The following PRORP variants were observed in gnomAD, a reference collection of about 807,000 sequenced individuals.
The protein encoded by PRORP is mitochondrial ribonuclease P catalytic subunit.
A neutral mutation model predicts 59.4 loss-of-function variants in PRORP; 51 were observed. The observed-to-expected ratio is 0.86, with a 90% confidence interval of 0.69 to 1.08. The LOEUF is 1.08. Ranked by LOEUF, PRORP falls within the 50% of genes least tolerant of loss-of-function variation. The pLI is 0.00. For missense variants in PRORP, 646 were observed against 690.3 expected, an observed-to-expected ratio of 0.94 and a Z score of 0.72; for synonymous variants, 231 against 245.6, an observed-to-expected ratio of 0.94 and a Z score of 0.55.
At chr14:35,262,147 GT>G (rs2050921086) in intron 5 of PRORP, among the ~76,000 whole-genome samples, 2 of 151,992 alleles carry the variant, frequency 1.3e-5, no homozygotes, top group African/African-American at 4.8e-5. Context: ...ATCAGAAATA[GT>G]TTTTGTTTGA....
chr14:35,226,197 A>G (rs990858956), intron 5 of PRORP, among the ~76,000 whole-genome samples: 1 of 152,222 alleles, frequency 6.6e-6, no homozygotes, highest in African/African-American at 2.4e-5. Flanking sequence ...ACAAACATTC[A>G]ATATTCATTA....
At chr14:35,221,193 TGAG>T (rs2049770538) in intron 5 of PRORP, among the ~76,000 whole-genome samples, 1 of 151,956 alleles carries the variant, frequency 6.6e-6, no homozygotes, top group African/African-American at 2.4e-5. Context: ...GGGACTAGGG[TGAG>T]GAGAGTGAGC....
intron 4 of PRORP, among the ~76,000 whole-genome samples, chr14:35,148,464 G>C (rs188189109): frequency 6.6e-6 from 1 of 152,264 alleles, no homozygotes; most frequent in Admixed American, 6.5e-5. Flanking sequence ...GAAATATTCA[G>C]TAAACCATGC....
chr14:35,130,223 G>C (rs1020859780), intron 4 of PRORP, among the ~76,000 whole-genome samples: 1 of 151,278 alleles, frequency 6.6e-6, no homozygotes, highest in African/African-American at 2.4e-5. Flanking sequence ...TAGTTGAGAC[G>C]GGGCTTCACC....
Position 35,123,600 on chromosome 14 carries a change from T to C in PRORP, c.355T>C (p.Leu119=). 1 of 1,614,132 alleles carries C rather than the reference T, an allele frequency of 6.2e-7. No homozygotes were observed. The highest frequency in any genetic ancestry group is 8.5e-7 in the Non-Finnish European group (1 of 1,180,036). The change falls in exon 2 of 8, where the codon TTG becomes CTG. Residue 119 remains leucine, a synonymous_variant. Transcript: ENST00000534898. Reference sequence around the variant, plus strand: ...CACTATTCAACTCCCAACACAACCTTTGAATTCAGAGGAGTGGGATAAACT... The same window carrying C: ...CACTATTCAACTCCCAACACAACCTCTGAATTCAGAGGAGTGGGATAAACT... The part of the protein sequence containing the change: ...RNTIQLPTQP[L]NSEEWDKLKE...
rs2046951232 is a variant in PRORP at position 35,122,557 on chromosome 14, C to T, written c.-373C>T. 1 of 154,112 alleles carries T rather than the reference C, an allele frequency of 6.5e-6. No homozygotes were observed. The allele number at this position is 154,112 out of a possible 1,614,324, so 9.5% of individuals were successfully genotyped here. ...CGGTGCATCGTGGGCACTGTAGTTT[C>T]CGCCGCGTTTATGGCCGCGTTAAGT... is the stretch of plus-strand genomic sequence containing the variant. On this transcript the variant is annotated 5_prime_UTR_variant, in exon 1 of 8. Transcript: ENST00000534898.
At position 35,273,417 on chromosome 14, in the gene PRORP, C is replaced by T; in HGVS notation, c.1621-18C>T. 6.3e-7 allele frequency: 1 copy of T among 1,593,038 alleles called. No individual in the cohort carries two copies. Among genetic ancestry groups the T allele is most frequent in the Non-Finnish European group, 8.5e-7 (1 of 1,171,290 alleles). Reference sequence around the variant, plus strand: ...TTAGTGTTGTTCTCAATGTTTTGTTCTCTTTTTAATTCAACAGCGTATTCT... The same window carrying T: ...TTAGTGTTGTTCTCAATGTTTTGTTTTCTTTTTAATTCAACAGCGTATTCT... On this transcript the variant is annotated intron_variant, in intron 7 of 7. Coordinates refer to ENST00000534898, the MANE Select transcript of PRORP (RefSeq NM_014672.4).
intron 5 of PRORP, among the ~76,000 whole-genome samples, chr14:35,222,944 C>T (rs1266460887): frequency 6.6e-6 from 1 of 152,166 alleles, no homozygotes; most frequent in African/African-American, 2.4e-5. Context: ...TTCTGTCTGT[C>T]TGGGGTTACA....
chr14:35,132,645 G>A (rs933718736), intron 4 of PRORP, among the ~76,000 whole-genome samples: 3 of 151,848 alleles, frequency 2.0e-5, no homozygotes, highest in Non-Finnish European at 4.4e-5. Flanking sequence ...AAATTAGCTG[G>A]AAATGGTGGT....
rs750880878 is a variant in PRORP at position 35,248,856 on chromosome 14, G to A, written c.1276-17871G>A. ...AAGACAAAGAAGGGACTTAAACTGG[G>A]TATTAGCTAACCTACAGAGAGTAAT... On this transcript the variant is annotated intron_variant, in intron 5 of 7. Coordinates refer to ENST00000534898, the MANE Select transcript of PRORP (RefSeq NM_014672.4). Among the ~76,000 whole-genome samples the A allele has an allele frequency of 3.1e-4, 47 of 152,338 alleles. 1 individual carries two copies. The highest frequency in any genetic ancestry group is 4.3e-4 in the Non-Finnish European group (29 of 68,028).
At chr14:35,167,223 G>A (rs987240701) in intron 4 of PRORP, among the ~76,000 whole-genome samples, 3 of 152,132 alleles carry the variant, frequency 2.0e-5, no homozygotes, top group African/African-American at 7.2e-5. Context: ...AACAGCTAAC[G>A]GACCACCTGG....
rs189073634 is a variant in PRORP at position 35,180,873 on chromosome 14, T to C, written c.1275+96T>C. ...GGGGCTCTTAGCTCCTCAGTTTTTC[T>C]TCCTCTAAAACTAAGGTCTTCAGGG... On this transcript the variant is annotated intron_variant, in intron 5 of 7. Transcript: ENST00000534898. 542 of 779,502 alleles carry C rather than the reference T, an allele frequency of 7.0e-4. 1 individual carries two copies. The highest frequency in any genetic ancestry group is 1.0e-3 in the Non-Finnish European group (494 of 477,272). The allele number at this position is 779,502 out of a possible 1,614,324, so 48.3% of individuals were successfully genotyped here. A position where few individuals can be genotyped will look rare whatever the true frequency, so the allele number is the denominator to read the frequency against.
chr14:35,220,173 A>G (rs1003558404), intron 5 of PRORP, among the ~76,000 whole-genome samples: 1 of 152,186 alleles, frequency 6.6e-6, no homozygotes, highest in African/African-American at 2.4e-5. Context: ...CCTTCAACCC[A>G]TTATACCACC....
intron 5 of PRORP, among the ~76,000 whole-genome samples, chr14:35,218,623 T>C (rs1368207725): frequency 5.5e-5 from 8 of 146,682 alleles, no homozygotes; most frequent in South Asian, 4.3e-4. Flanking sequence ...GCCTCCTGAG[T>C]TTAAGCCATT....
At chr14:35,188,436 G>A (rs1202104901) in intron 5 of PRORP, among the ~76,000 whole-genome samples, 2 of 150,898 alleles carry the variant, frequency 1.3e-5, no homozygotes, top group Non-Finnish European at 3.0e-5. Context: ...TGATCTGCCC[G>A]CCTCGGCCTC....
chr14:35,160,552 G>A (rs1304145441), intron 4 of PRORP, among the ~76,000 whole-genome samples: 1 of 152,118 alleles, frequency 6.6e-6, no homozygotes, highest in Non-Finnish European at 1.5e-5. Flanking sequence ...ATAGAATTGA[G>A]TATAGATGGT....
At chr14:35,156,758 A>G (rs2047922400) in intron 4 of PRORP, among the ~76,000 whole-genome samples, 1 of 152,220 alleles carries the variant, frequency 6.6e-6, no homozygotes, top group Admixed American at 6.5e-5. Flanking sequence ...TTTTCAAGAA[A>G]ATATGATAAG....
Position 35,266,747 on chromosome 14 carries a change from A to T in PRORP, c.1296A>T (p.Gln432His). The T allele has an allele frequency of 6.2e-7, 1 of 1,614,100 alleles. No individual in the cohort carries two copies. The change falls in exon 6 of 8, where the codon CAA becomes CAT. Residue 432 changes from glutamine (Q) to histidine (H), a missense_variant. By Grantham distance (24) the Gln-to-His change is conservative (BLOSUM62 0). Transcript: ENST00000534898. ...TTTAGCTCTTGAATGTCGTCTCTCA[A>T]CTAGCCAAACGGAATCTGCGACTGC... ...ESQLLLNVVS[Q>H]LAKRNLRLLV...
intron 4 of PRORP, among the ~76,000 whole-genome samples, chr14:35,128,243 C>T (rs1031710150): frequency 6.7e-6 from 1 of 149,164 alleles, no homozygotes; most frequent in Non-Finnish European, 1.5e-5. Flanking sequence ...ATTTTTGCAT[C>T]AATATTCATC....
Sources: allele counts gnomAD v4.1 joint callset (sites outside exome capture counted in the v4.1 genomes callset), GRCh38; gene constraint gnomAD v4.1.1; transcripts MANE v1.5; gene names NCBI Gene and HGNC (gene_info 2026-07-23, HGNC 2026-07-21).